Variants in NEO1 observed in about 807,000 individuals in gnomAD.
The protein encoded by NEO1 is neogenin.
In NEO1, 63 loss-of-function variants were observed where a neutral mutation model predicts 159.7. The observed-to-expected ratio is 0.39, with a 90% confidence interval of 0.32 to 0.49. NEO1 has a LOEUF of 0.49. Among genes scored for constraint, NEO1 ranks in the 20% least tolerant of loss-of-function variants. NEO1 has a pLI of 0.85. For missense variants in NEO1, 1,615 were observed against 1,831.0 expected, an observed-to-expected ratio of 0.88 and a Z score of 2.15; for synonymous variants, 633 against 662.0, an observed-to-expected ratio of 0.96 and a Z score of 0.67.
intron 10 of NEO1, 139 bp from the exon 11 acceptor site, chr15:73,249,444 T>C: frequency 9.7e-7 from 1 of 1,025,758 alleles, no homozygotes; most frequent in Non-Finnish European, 1.4e-6. Flanking sequence ...ATTCATCTGC[T>C]TTGACTATTG....
At chr15:73,220,250 C>A (rs1462308829) in intron 7 of NEO1, among the ~76,000 whole-genome samples, 1 of 152,046 alleles carries the variant, frequency 6.6e-6, no homozygotes, top group Non-Finnish European at 1.5e-5. Flanking sequence ...TGAATATTGG[C>A]CCCCACTCTC....
chr15:73,172,867 G>A (rs1468119914), intron 5 of NEO1, among the ~76,000 whole-genome samples: 1 of 152,112 alleles, frequency 6.6e-6, no homozygotes, highest in African/African-American at 2.4e-5. Flanking sequence ...AAGCAGAGGG[G>A]ACTTTCTTAT....
chr15:73,144,728 A>G (rs2032737246), intron 5 of NEO1, among the ~76,000 whole-genome samples: 1 of 152,186 alleles, frequency 6.6e-6, no homozygotes, highest in South Asian at 2.1e-4. Context: ...TCCCACAGGT[A>G]CCTCAGAAAT....
Position 73,052,647 on chromosome 15 carries a change from C to A in NEO1, c.-29C>A. ...GGCAAGGGCTCCGCGGCGCTGTCGC[C>A]GCCGCTGCCGCTCACTCTCGGGGAA... On this transcript the variant is annotated 5_prime_UTR_variant, in exon 1 of 29. Coordinates refer to ENST00000261908, the MANE Select transcript of NEO1 (RefSeq NM_002499.4). The A allele has an allele frequency of 4.0e-6, 5 of 1,248,202 alleles. No individual in the cohort carries two copies. Among genetic ancestry groups the A allele is most frequent in the Non-Finnish European group, 5.0e-6 (5 of 991,248 alleles). 77.3% of individuals were successfully genotyped at this position (1,248,202 alleles called of 1,614,324 possible).
intron 7 of NEO1, among the ~76,000 whole-genome samples, chr15:73,202,852 T>C (rs1309154664): frequency 6.6e-6 from 1 of 152,220 alleles, no homozygotes; most frequent in Non-Finnish European, 1.5e-5. Flanking sequence ...ATTCTAGCCT[T>C]ATATAAGTAG....
At chr15:73,212,888 A>G (rs979476759) in intron 7 of NEO1, among the ~76,000 whole-genome samples, 1 of 152,232 alleles carries the variant, frequency 6.6e-6, no homozygotes, top group Non-Finnish European at 1.5e-5. Flanking sequence ...AAGACATTAC[A>G]TCATATAGCA....
At chr15:73,104,125 G>A (rs908693498) in intron 1 of NEO1, among the ~76,000 whole-genome samples, 1 of 152,144 alleles carries the variant, frequency 6.6e-6, no homozygotes, top group Admixed American at 6.6e-5. Flanking sequence ...GCTTCCCAAA[G>A]TGCTGGGATT....
chr15:73,186,774 A>C (rs2035955581), intron 7 of NEO1, among the ~76,000 whole-genome samples: 1 of 152,152 alleles, frequency 6.6e-6, no homozygotes, highest in Non-Finnish European at 1.5e-5. Flanking sequence ...GGCAGGCAGC[A>C]ATAGGGTAAC....
At chr15:73,244,614 G>T in intron 9 of NEO1, 116 bp downstream of exon 9, 2 of 1,185,516 alleles carry the variant, frequency 1.7e-6, no homozygotes, top group Non-Finnish European at 2.3e-6. Context: ...TTACTTTCGG[G>T]GTCCTTATCA....
intron 5 of NEO1, among the ~76,000 whole-genome samples, chr15:73,164,048 G>A (rs370217663): frequency 1.0e-4 from 15 of 143,662 alleles, no homozygotes; most frequent in East Asian, 4.0e-4. Flanking sequence ...TTTTTTTTGA[G>A]ACAGAGTCTC....
chr15:73,226,062 T>A (rs549047385), intron 7 of NEO1, among the ~76,000 whole-genome samples: 151 of 152,248 alleles, frequency 9.9e-4, no homozygotes, highest in African/African-American at 3.4e-3. Context: ...ACCTTCAGTT[T>A]CTCCAGTGGG....
chr15:73,168,381 G>T (rs1448618798), intron 5 of NEO1, among the ~76,000 whole-genome samples: 17 of 28,268 alleles, frequency 6.0e-4, no homozygotes, highest in Admixed American at 5.4e-4. Context: ...ACGGGGGGTG[G>T]GGGGGGGGGG....
At chr15:73,148,998 A>T (rs937934782) in intron 5 of NEO1, among the ~76,000 whole-genome samples, 4 of 151,798 alleles carry the variant, frequency 2.6e-5, no homozygotes, top group African/African-American at 4.8e-5. Flanking sequence ...CCTTGTTTAG[A>T]TTTTTTTCTT....
intron 7 of NEO1, among the ~76,000 whole-genome samples, chr15:73,188,797 T>C (rs1468168800): frequency 6.6e-6 from 1 of 152,184 alleles, no homozygotes; most frequent in Non-Finnish European, 1.5e-5. Context: ...GTAATGTTCA[T>C]TTAAAAATAC....
intron 23 of NEO1, 21 bp downstream of exon 23, chr15:73,283,132 C>T: frequency 1.9e-6 from 3 of 1,612,892 alleles, no homozygotes; most frequent in Non-Finnish European, 1.7e-6. Context: ...CCAGATGCAC[C>T]CCTTAGATTT....
intron 1 of NEO1, among the ~76,000 whole-genome samples, chr15:73,081,763 A>T (rs780435609): frequency 6.6e-6 from 1 of 151,762 alleles, no homozygotes; most frequent in Non-Finnish European, 1.5e-5. Context: ...TTTTGTAGAG[A>T]TAGGGTCTCA....
intron 22 of NEO1, 85 bp from the exon 23 acceptor site, chr15:73,282,879 T>G: frequency 2.4e-5 from 36 of 1,474,348 alleles, no homozygotes; most frequent in Non-Finnish European, 3.1e-5. Context: ...GAAGTTCACG[T>G]GAGATATTAA....
At chr15:73,103,075 G>C (rs144921529) in intron 1 of NEO1, among the ~76,000 whole-genome samples, 7 of 152,100 alleles carry the variant, frequency 4.6e-5, no homozygotes, top group African/African-American at 1.4e-4. Flanking sequence ...CATCATGTCT[G>C]CCATTTTTTT....
intron 5 of NEO1, among the ~76,000 whole-genome samples, chr15:73,165,451 G>A (rs1002928903): frequency 6.6e-6 from 1 of 152,194 alleles, no homozygotes; most frequent in African/African-American, 2.4e-5. Flanking sequence ...AAATCCAACT[G>A]TAGAACAGTA....
Sources: allele counts gnomAD v4.1 joint callset (sites outside exome capture counted in the v4.1 genomes callset), GRCh38; gene constraint gnomAD v4.1.1; transcripts MANE v1.5; gene names NCBI Gene and HGNC (gene_info 2026-07-23, HGNC 2026-07-21).